ADAMTS10: variants seen among roughly 807,000 people sequenced by gnomAD.
ADAMTS10 encodes the protein A disintegrin and metalloproteinase with thrombospondin motifs 10.
In ADAMTS10, 48 loss-of-function variants were observed where a neutral mutation model predicts 135.9. The observed-to-expected ratio is 0.35, with a 90% confidence interval of 0.28 to 0.45. The LOEUF (loss-of-function observed/expected upper bound fraction) is 0.45, where lower values mean the gene tolerates loss of function less well. Among genes scored for constraint, ADAMTS10 ranks in the 20% least tolerant of loss-of-function variants. The pLI, the probability that ADAMTS10 is intolerant of heterozygous loss-of-function variation, is 1.00. For synonymous variants in ADAMTS10, 621 were observed against 647.5 expected, an observed-to-expected ratio of 0.96 and a Z score of 0.62; for missense variants, 1,131 against 1,565.2, an observed-to-expected ratio of 0.72 and a Z score of 4.68.
intron 12 of ADAMTS10, 35 bp from the exon 13 acceptor site, chr19:8,592,905 C>T: frequency 6.3e-7 from 1 of 1,581,840 alleles, no homozygotes; most frequent in Admixed American, 1.8e-5. Flanking sequence ...GCTCGCCCCC[C>T]TCCCTTCCTC....
chr19:8,607,584 GCCAAGTCTGAGAGT>G (rs1242802367), intron 2 of ADAMTS10, among the ~76,000 whole-genome samples: 9 of 152,098 alleles, frequency 5.9e-5, no homozygotes, highest in Non-Finnish European at 8.8e-5. Context: ...TTGCAGCCCA[GCCAAGTCTGAGAGT>G]CCAAGTCTGA....
At chr19:8,598,593 T>G in intron 6 of ADAMTS10, among the ~76,000 whole-genome samples, 1 of 58,342 alleles carries the variant, frequency 1.7e-5, no homozygotes, top group Non-Finnish European at 3.2e-5. Flanking sequence ...TTTTTTTTTT[T>G]GGAGATGGAG....
intron 4 of ADAMTS10, among the ~76,000 whole-genome samples, chr19:8,604,491 A>G (rs906499852): frequency 1.3e-5 from 2 of 148,536 alleles, no homozygotes; most frequent in Non-Finnish European, 3.0e-5. Context: ...ATATATATAT[A>G]TATTTAAAGA....
intron 5 of ADAMTS10, among the ~76,000 whole-genome samples, chr19:8,602,792 A>AT (rs2042681128): frequency 6.6e-6 from 1 of 151,576 alleles, no homozygotes; most frequent in Non-Finnish European, 1.5e-5. Flanking sequence ...CACCTGGCTT[A>AT]TTTTTTCTAT....
At position 8,584,878 on chromosome 19, in the gene ADAMTS10, G is replaced by A. The variant is rs2042402158; in HGVS notation, c.3202+17C>T. Reference sequence around the variant, plus strand: ...GCCAGGACCCTCCTGGCGCACCCTGGCTGGTCACCCACATACCTTCAGGGC... The same window carrying A: ...GCCAGGACCCTCCTGGCGCACCCTGACTGGTCACCCACATACCTTCAGGGC... On this transcript the variant is annotated intron_variant, in intron 25 of 25. Coordinates refer to ENST00000597188, the MANE Select transcript of ADAMTS10 (RefSeq NM_030957.4). 1.3e-6 allele frequency: 2 copies of A among 1,548,552 alleles called. No individual in the cohort carries two copies. The highest frequency in any genetic ancestry group is 1.2e-5 in the South Asian group (1 of 84,006).
chr19:8,608,696 G>C (rs2042748048), intron 1 of ADAMTS10, among the ~76,000 whole-genome samples: 1 of 151,982 alleles, frequency 6.6e-6, no homozygotes, highest in Admixed American at 6.6e-5. Flanking sequence ...CTTGTCTAGA[G>C]TGTCTTTGGG....
chr19:8,586,354 C>T lies in ADAMTS10; in HGVS notation c.2520G>A (p.Gln840=). The stretch of plus-strand genomic sequence containing the variant: ...CACCCCCGGCCTCACCGCCTGCACA[C>T]TGGGCCGAGCACTTGGTCCAGGGCG... ...HYAPWTKCSA[Q]CAGGSQVQAV... is the part of the protein sequence containing the mutation. Residue 840 remains glutamine, a synonymous_variant, in exon 21 of 26, where the codon CAG becomes CAA. Coordinates refer to ENST00000597188, the MANE Select transcript of ADAMTS10 (RefSeq NM_030957.4). 6.2e-7 allele frequency: 1 copy of T among 1,613,784 alleles called. No homozygotes were observed. The highest frequency in any genetic ancestry group is 8.5e-7 in the Non-Finnish European group (1 of 1,179,954).
intron 12 of ADAMTS10, 64 bp downstream of exon 12, chr19:8,595,698 T>TGCCGA: frequency 1.6e-5 from 21 of 1,291,938 alleles, no homozygotes; most frequent in Non-Finnish European, 1.9e-5. Context: ...CTGGTGGAGT[T>TGCCGA]CCCTCCCCCA....
rs375444463 is a variant in ADAMTS10 at position 8,596,125 on chromosome 19, T to C, written c.1285A>G (p.Asn429Asp). The C allele has an allele frequency of 2.1e-5, 34 of 1,614,192 alleles. No individual in the cohort carries two copies. The highest frequency in any genetic ancestry group is 1.0e-5 in the Non-Finnish European group (12 of 1,180,036). ...CTGCAGGATGACCACACGAATGGGT[T>C]GGTCTTCATGGTAATGTGGGCAGCC... ...LMAAHITMKT[N>D]PFVWSSCSRD... The change falls in exon 11 of 26, where the codon AAC becomes GAC. Residue 429 changes from asparagine to aspartate, a missense_variant. By Grantham distance (23) the Asn-to-Asp change is conservative. Around this residue, in one of 3 missense-constraint regions of ADAMTS10, gnomAD observed 745 missense variants for 1,056.3 expected, o/e 0.71. Transcript: ENST00000597188. This position sits in a 1 kb window ranked among gnomAD's most constrained non-coding sequence, Gnocchi z 7.2.
intron 15 of ADAMTS10, 51 bp from the exon 16 acceptor site, chr19:8,590,042 G>T: frequency 7.7e-7 from 1 of 1,297,262 alleles, no homozygotes. Flanking sequence ...GGGGGATGGA[G>T]TCAGAAAAGG....
At chr19:8,598,948 C>T (rs914393990) in intron 6 of ADAMTS10, among the ~76,000 whole-genome samples, 10 of 152,162 alleles carry the variant, frequency 6.6e-5, no homozygotes, top group East Asian at 1.9e-4. Context: ...CCATCAGAGA[C>T]GACACTACAC....
At chr19:8,595,967 G>C in intron 11 of ADAMTS10, 64 bp from the exon 12 acceptor site, 1 of 1,613,988 alleles carries the variant, frequency 6.2e-7, no homozygotes, top group Non-Finnish European at 8.5e-7. Context: ...AGGAGCCTCA[G>C]CTGGATGGGG....
In ADAMTS10 at chr19:8,596,337, G is replaced by T; in HGVS notation, c.1160C>A (p.Ala387Glu). The change falls in exon 10 of 26, where the codon GCG becomes GAG. Residue 387 changes from alanine to glutamate, a missense_variant. Physicochemically the swap from Ala to Glu is moderately radical, Grantham distance 107. Coordinates refer to ENST00000597188, the MANE Select transcript of ADAMTS10 (RefSeq NM_030957.4). This position sits in a 1 kb window ranked among gnomAD's most constrained non-coding sequence, Gnocchi z 7.2. ...CCCGATCTCGTGGGCAATGGTGAAC[G>T]CTGTGGCCAGGCCAATGTCCTCATT... is the stretch of plus-strand genomic sequence containing the variant. ...SVNEDIGLAT[A>E]FTIAHEIGHT... The T allele has an allele frequency of 6.2e-7, 1 of 1,612,782 alleles. No homozygotes were observed. Among genetic ancestry groups the T allele is most frequent in the Non-Finnish European group, 8.5e-7 (1 of 1,179,874 alleles).
At chr19:8,586,010 G>A (rs1555736980) in intron 22 of ADAMTS10, 112 bp downstream of exon 22, 3 of 1,554,124 alleles carry the variant, frequency 1.9e-6, no homozygotes, top group Non-Finnish European at 2.6e-6. Context: ...TCGGCCCACT[G>A]TCACTCCGAC....
At chr19:8,592,940 G>A in intron 12 of ADAMTS10, 70 bp from the exon 13 acceptor site, 2 of 1,425,784 alleles carry the variant, frequency 1.4e-6, no homozygotes, top group South Asian at 1.2e-5. Flanking sequence ...CCCGGCTTGG[G>A]AGGACCCAGA....
Position 8,585,442 on chromosome 19 carries a change from AG to A in ADAMTS10, c.2865+13del. On this transcript the variant is annotated intron_variant, in intron 23 of 25. Transcript: ENST00000597188. The stretch of plus-strand genomic sequence containing the variant: ...TGGGCATCCCAGTGGGCGCGAAGGA[AG>A]GGGGCGGCTGACCTCAGACCAGTCG... The A allele has an allele frequency of 1.3e-6, 2 of 1,537,180 alleles. No individual in the cohort carries two copies. Among genetic ancestry groups the A allele is most frequent in the Non-Finnish European group, 8.8e-7 (1 of 1,141,942 alleles).
At chr19:8,600,884 C>T in intron 6 of ADAMTS10, 44 bp downstream of exon 6, 2 of 1,611,184 alleles carry the variant, frequency 1.2e-6, no homozygotes, top group Non-Finnish European at 1.7e-6. Context: ...CAGGCTGGCT[C>T]CAAGTCCTCA....
At position 8,584,930 on chromosome 19, in the gene ADAMTS10, T is replaced by G. The variant is rs1370033656; in HGVS notation, c.3167A>C (p.Lys1056Thr). The G allele has an allele frequency of 1.3e-6, 2 of 1,548,830 alleles. No individual in the cohort carries two copies. Among genetic ancestry groups the G allele is most frequent in the Non-Finnish European group, 1.7e-6 (2 of 1,146,496 alleles). ...RPPTTQQCEA[K>T]CDSPTPGDGP... ...GTCCCCGGGGGTTGGGCTGTCGCAC[T>G]TGGCCTCACACTGCTGCGTGGTGGG... is the stretch of plus-strand genomic sequence containing the variant. The change falls in exon 25 of 26, where the codon AAG becomes ACG. Residue 1056 changes from lysine (K) to threonine (T), a missense_variant. Physicochemically the swap from Lys to Thr is moderately conservative, Grantham distance 78. Around this residue, in one of 3 missense-constraint regions of ADAMTS10, gnomAD observed 745 missense variants for 1,056.3 expected, o/e 0.71. Coordinates refer to ENST00000597188, the MANE Select transcript of ADAMTS10 (RefSeq NM_030957.4).
intron 4 of ADAMTS10, 26 bp downstream of exon 4, chr19:8,604,986 C>A: frequency 6.4e-7 from 1 of 1,569,580 alleles, no homozygotes; most frequent in Admixed American, 1.9e-5. Context: ...GGCATTTCCC[C>A]CCGCGTTCCA....
Sources: allele counts gnomAD v4.1 joint callset (sites outside exome capture counted in the v4.1 genomes callset), GRCh38; gene constraint gnomAD v4.1.1; regional missense constraint gnomAD v4.1.1; non-coding constraint Gnocchi (gnomAD v3.1); transcripts MANE v1.5; gene names NCBI Gene and HGNC (gene_info 2026-07-23, HGNC 2026-07-21).